The following CELSR2 variants were observed in gnomAD, a reference collection of about 807,000 sequenced individuals.
The protein encoded by CELSR2 is cadherin EGF LAG seven-pass G-type receptor 2, also known as EGF-like protein 2.
CELSR2 carries 81 observed loss-of-function variants against 251.6 expected under a neutral mutation model. The observed-to-expected ratio is 0.32, with a 90% confidence interval of 0.27 to 0.39. The LOEUF is 0.39. Among genes scored for constraint, CELSR2 ranks in the 10% least tolerant of loss-of-function variants. The pLI is 1.00. For missense variants in CELSR2, 3,365 were observed against 3,947.7 expected, an observed-to-expected ratio of 0.85 and a Z score of 3.96; for synonymous variants, 1,721 against 1,670.5, an observed-to-expected ratio of 1.03 and a Z score of -0.74.
chr1:109,261,165 A>C lies in CELSR2; in HGVS notation c.4082A>C (p.Glu1361Ala), dbSNP rs1306110297. The C allele has an allele frequency of 6.2e-7, 1 of 1,614,030 alleles. No homozygotes were observed. Among genetic ancestry groups the C allele is most frequent in the Non-Finnish European group, 8.5e-7 (1 of 1,180,028 alleles). ...FKCDCPSGDF[E>A]KPYCQVTTRS... The stretch of plus-strand genomic sequence containing the variant: ...TGCGATTGCCCATCTGGAGACTTCG[A>C]GAAGCCCTACTGCCAGGTGACCACG... Residue 1361 changes from glutamate (E) to alanine (A), a missense_variant, in exon 3 of 34, where the codon GAG becomes GCG. Coordinates refer to ENST00000271332, the MANE Select transcript of CELSR2 (RefSeq NM_001408.3). This position sits in a 1 kb window ranked among gnomAD's most constrained non-coding sequence, Gnocchi z 4.8.
chr1:109,269,314 G>C lies in CELSR2; in HGVS notation c.6812+24G>C. The C allele has an allele frequency of 6.2e-7, 1 of 1,612,494 alleles. No homozygotes were observed. The highest frequency in any genetic ancestry group is 8.5e-7 in the Non-Finnish European group (1 of 1,179,782). On this transcript the variant is annotated intron_variant, in intron 20 of 33. Transcript: ENST00000271332. The surrounding 1 kb of genome is among the most constrained non-coding windows in gnomAD (Gnocchi z 6.4). ...AGGTCAGCAGCTAGGGGACAGGTGT[G>C]GGTAGGGGTATGGGTCGGGCGGTGA...
Position 109,253,388 on chromosome 1 carries a change from A to G in CELSR2, c.3309A>G (p.Ser1103=), listed in dbSNP as rs757112775. The G allele has an allele frequency of 6.2e-7, 1 of 1,611,136 alleles. No individual in the cohort carries two copies. Among genetic ancestry groups the G allele is most frequent in the Non-Finnish European group, 8.5e-7 (1 of 1,179,122 alleles). ...PLEAIMSVLV[S]DGVHSVTAQC... is the part of the protein sequence containing the mutation. Reference sequence around the variant, plus strand: ...AGGCCATCATGAGCGTGCTGGTGTCAGGTAAGGAAGGGCCCAGGTGGCGCT... The same window carrying G: ...AGGCCATCATGAGCGTGCTGGTGTCGGGTAAGGAAGGGCCCAGGTGGCGCT... The change falls in exon 1 of 34, where the codon TCA becomes TCG. Residue 1103 remains serine (S), a splice_region_variant and synonymous_variant. Transcript: ENST00000271332.
intron 15 of CELSR2, chr1:109,266,559 ATTTTTTTTTTTTTTTTT>A (rs35994599): frequency 1.2e-5 from 1 of 83,690 alleles, no homozygotes; most frequent in Admixed American, 1.6e-4. Context: ...CACCTGGCTA[ATTTTTTTTTTTTTTTTT>A]TTTTTTTTGT....
In CELSR2 at chr1:109,251,206, C is replaced by T. The variant is rs567653065; in HGVS notation, c.1127C>T (p.Pro376Leu). Reference sequence around the variant, plus strand: ...GAGGCAAGTGACCAGGGTCGGGACCCGGGTCCTCGGAGTACCACAGCCGCT... The same window carrying T: ...GAGGCAAGTGACCAGGGTCGGGACCTGGGTCCTCGGAGTACCACAGCCGCT... ...TVEASDQGRD[P>L]GPRSTTAAVF... Residue 376 changes from proline (P) to leucine (L), a missense_variant, in exon 1 of 34, where the codon CCG (proline) becomes CTG (leucine). Coordinates refer to ENST00000271332, the MANE Select transcript of CELSR2 (RefSeq NM_001408.3). The surrounding 1 kb of genome is among the most constrained non-coding windows in gnomAD (Gnocchi z 4.9). The T allele has an allele frequency of 1.3e-5, 21 of 1,613,872 alleles. No individual in the cohort carries two copies. The highest frequency in any genetic ancestry group is 5.0e-5 in the Admixed American group (3 of 60,020).
chr1:109,274,319 GA>G lies in CELSR2; in HGVS notation c.*277del, dbSNP rs1448376499. ...CAAGACAAAGTTTTTCAGAAAAGAGGAAAAAAAGAATTTAAAAAAGGATCTC... is the reference window on the plus strand; with the variant it reads ...CAAGACAAAGTTTTTCAGAAAAGAGGAAAAAAGAATTTAAAAAAGGATCTC... On this transcript the variant is annotated 3_prime_UTR_variant, in exon 34 of 34. Transcript: ENST00000271332. The G allele has an allele frequency of 4.5e-6, 3 of 663,832 alleles. No homozygotes were observed. The highest frequency in any genetic ancestry group is 4.7e-6 in the Non-Finnish European group (2 of 425,058). The allele number at this position is 663,832 out of a possible 1,614,324, so 41.1% of individuals were successfully genotyped here. A position where few individuals can be genotyped will look rare whatever the true frequency, so the allele number is the denominator to read the frequency against.
chr1:109,273,170 G>T lies in CELSR2; in HGVS notation c.8343G>T (p.Gly2781=), dbSNP rs1171607604. 1 of 1,608,688 alleles carries T rather than the reference G, an allele frequency of 6.2e-7. No homozygotes were observed. The change falls in exon 32 of 34, where the codon GGG becomes GGT. Residue 2781 remains glycine (G), a synonymous_variant. Transcript: ENST00000271332. Reference sequence around the variant, plus strand: ...TCTACTTCCTTTCCCCACCAGATGGGGGCCCAGGGCCTGGCAAGGCCCCCT... The same window carrying T: ...TCTACTTCCTTTCCCCACCAGATGGTGGCCCAGGGCCTGGCAAGGCCCCCT... The part of the protein sequence containing the change: ...RLPLHSTPKD[G]GPGPGKAPWP...
Position 109,268,080 on chromosome 1 carries a change from G to C in CELSR2, c.6318+20G>C. The C allele has an allele frequency of 6.3e-7, 1 of 1,577,154 alleles. No homozygotes were observed. Among genetic ancestry groups the C allele is most frequent in the Non-Finnish European group, 8.6e-7 (1 of 1,160,806 alleles). On this transcript the variant is annotated intron_variant, in intron 17 of 33. Transcript: ENST00000271332. Reference sequence around the variant, plus strand: ...ACTGAGGTGGGGCTTGGAGGATGCAGGGCTGGCTGGTTAGATAGGGGTCAT... The same window carrying C: ...ACTGAGGTGGGGCTTGGAGGATGCACGGCTGGCTGGTTAGATAGGGGTCAT...
At position 109,270,477 on chromosome 1, in the gene CELSR2, T is replaced by G. The variant is rs574709737; in HGVS notation, c.7360T>G (p.Phe2454Val). The G allele has an allele frequency of 2.9e-5, 47 of 1,614,128 alleles. No homozygotes were observed. The South Asian group carries it at 4.8e-4, about 17-fold the overall frequency. ...ILLHFLYLCT[F>V]SWALLEALHL... ...GCTGCACTTCCTGTACCTCTGCACC[T>G]TTTCCTGGGCTCTGCTGGAGGCCTT... The change falls in exon 24 of 34, where the codon TTT becomes GTT. Residue 2454 changes from phenylalanine to valine, a missense_variant. Phe to Val is a conservative substitution (Grantham distance 50). Around this residue, in one of 5 missense-constraint regions of CELSR2, gnomAD observed 2,093 missense variants for 2,382.8 expected, o/e 0.88. Coordinates refer to ENST00000271332, the MANE Select transcript of CELSR2 (RefSeq NM_001408.3).
Position 109,259,022 on chromosome 1 carries a change from G to A in CELSR2, c.3901G>A (p.Gly1301Arg). 1 of 1,600,652 alleles carries A rather than the reference G, an allele frequency of 6.2e-7. No individual in the cohort carries two copies. Among genetic ancestry groups the A allele is most frequent in the South Asian group, 1.1e-5 (1 of 90,634 alleles). ...LCYSRPCGPHGRCRSREGGYT... is the reference protein window; with the variant it reads ...LCYSRPCGPHRRCRSREGGYT... Reference sequence around the variant, plus strand: ...CTACTCGCGGCCCTGTGGCCCCCACGGGCGCTGCCGCAGCCGCGAGGGCGG... The same window carrying A: ...CTACTCGCGGCCCTGTGGCCCCCACAGGCGCTGCCGCAGCCGCGAGGGCGG... Residue 1301 changes from glycine to arginine, a missense_variant, in exon 2 of 34, where the codon GGG becomes AGG. By Grantham distance (125) the Gly-to-Arg change is moderately radical. Coordinates refer to ENST00000271332, the MANE Select transcript of CELSR2 (RefSeq NM_001408.3).
intron 18 of CELSR2, 41 bp from the exon 19 acceptor site, chr1:109,268,839 C>T: frequency 6.3e-7 from 1 of 1,584,898 alleles, no homozygotes; most frequent in Non-Finnish European, 8.6e-7. Flanking sequence ...TGGGGTCCTG[C>T]CTGCCTCACA....
rs150642712 is a variant in CELSR2, at chr1:109,263,715, C to T, written c.4939C>T (p.Arg1647Cys). 6.2e-7 allele frequency: 1 copy of T among 1,613,800 alleles called. No individual in the cohort carries two copies. The highest frequency in any genetic ancestry group is 1.3e-5 in the African/African-American group (1 of 74,948). The change falls in exon 9 of 34, where the codon CGC becomes TGC. Residue 1647 changes from arginine to cysteine, a missense_variant. Physicochemically the swap from Arg to Cys is radical, Grantham distance 180. Coordinates refer to ENST00000271332, the MANE Select transcript of CELSR2 (RefSeq NM_001408.3). ...PWYLSLMFRT[R>C]QADGVLLQAI... Reference sequence around the variant, plus strand: ...GTACCTCAGCCTCATGTTCCGCACGCGCCAGGCCGACGGTGTCCTGCTGCA... The same window carrying T: ...GTACCTCAGCCTCATGTTCCGCACGTGCCAGGCCGACGGTGTCCTGCTGCA...
chr1:109,271,798 C>T (rs1656379922), intron 28 of CELSR2, 76 bp downstream of exon 28: 4 of 1,528,680 alleles, frequency 2.6e-6, no homozygotes, highest in Non-Finnish European at 2.7e-6. Context: ...GTACTTTTGG[C>T]CCCACTCCCC....
Position 109,253,045 on chromosome 1 carries a change from G to C in CELSR2, c.2966G>C (p.Arg989Pro). 1 of 1,613,676 alleles carries C rather than the reference G, an allele frequency of 6.2e-7. No individual in the cohort carries two copies. The highest frequency in any genetic ancestry group is 8.5e-7 in the Non-Finnish European group (1 of 1,180,028). The change falls in exon 1 of 34, where the codon CGG becomes CCG. Residue 989 changes from arginine (R) to proline (P), a missense_variant. By Grantham distance (103) the Arg-to-Pro change is moderately radical (BLOSUM62 -2). Around this residue, in one of 5 missense-constraint regions of CELSR2, gnomAD observed 505 missense variants for 660.0 expected, o/e 0.77. Transcript: ENST00000271332. ...TALVDLDYED[R>P]PEYVLVIQAT... ...CTGGTAGACTTAGACTACGAGGACC[G>C]GCCTGAGTACGTCCTGGTCATCCAG... is the stretch of plus-strand genomic sequence containing the variant.
chr1:109,259,198 A>G, intron 2 of CELSR2, 119 bp downstream of exon 2: 1 of 909,160 alleles, frequency 1.1e-6, no homozygotes, highest in Non-Finnish European at 1.6e-6. Flanking sequence ...GTGCAGCTAC[A>G]CTGAGAGGTC....
At position 109,274,332 on chromosome 1, in the gene CELSR2, T is replaced by G; in HGVS notation, c.*283T>G. 1.6e-6 allele frequency: 1 copy of G among 618,694 alleles called. No homozygotes were observed. The allele number at this position is 618,694 out of a possible 1,614,324, so 38.3% of individuals were successfully genotyped here. On this transcript the variant is annotated 3_prime_UTR_variant, in exon 34 of 34. Transcript: ENST00000271332. Reference sequence around the variant, plus strand: ...TTCAGAAAAGAGGAAAAAAAGAATTTAAAAAAGGATCTCCACTCTTCATGA... The same window carrying G: ...TTCAGAAAAGAGGAAAAAAAGAATTGAAAAAAGGATCTCCACTCTTCATGA...
chr1:109,254,003 C>G (rs1570777049), intron 1 of CELSR2, among the ~76,000 whole-genome samples: 1 of 152,240 alleles, frequency 6.6e-6, no homozygotes, highest in Non-Finnish European at 1.5e-5. Flanking sequence ...CCTGGCTCCC[C>G]CTTCAGAGCT....
Position 109,265,132 on chromosome 1 carries a change from A to G in CELSR2, c.5607-59A>G. The G allele has an allele frequency of 2.5e-6, 4 of 1,582,700 alleles. No homozygotes were observed. The East Asian group carries it at 6.7e-5, about 27-fold the overall frequency. ...GGGTCAGAAGGGCCACATAGGGCTCACCTAGGTTAGGTGGGAGTGGCAGGG... is the reference window on the plus strand; with the variant it reads ...GGGTCAGAAGGGCCACATAGGGCTCGCCTAGGTTAGGTGGGAGTGGCAGGG... On this transcript the variant is annotated intron_variant, in intron 12 of 33. Coordinates refer to ENST00000271332, the MANE Select transcript of CELSR2 (RefSeq NM_001408.3).
Position 109,269,355 on chromosome 1 carries a change from G to A in CELSR2, c.6812+65G>A. On this transcript the variant is annotated intron_variant, in intron 20 of 33. Transcript: ENST00000271332. The surrounding 1 kb of genome is among the most constrained non-coding windows in gnomAD (Gnocchi z 6.4). ...CGGGCGGTGAGTGCTGAGGCATGGAGGGGGTCGGGGGCGTCTCCCCAGTCA... is the reference window on the plus strand; with the variant it reads ...CGGGCGGTGAGTGCTGAGGCATGGAAGGGGTCGGGGGCGTCTCCCCAGTCA... The A allele has an allele frequency of 6.2e-7, 1 of 1,609,034 alleles. No individual in the cohort carries two copies. Among genetic ancestry groups the A allele is most frequent in the Non-Finnish European group, 8.5e-7 (1 of 1,177,302 alleles).
intron 24 of CELSR2, 115 bp downstream of exon 24, chr1:109,270,715 C>T: frequency 7.4e-7 from 1 of 1,346,158 alleles, no homozygotes; most frequent in Non-Finnish European, 1.0e-6. Flanking sequence ...CCCCAGGCCG[C>T]CTTATTCACA....
Sources: gnomAD v4.1 joint callset for allele counts (sites outside exome capture counted in the v4.1 genomes callset) on GRCh38, gnomAD v4.1.1 for gene constraint, gnomAD v4.1.1 regional missense constraint, Gnocchi (gnomAD v3.1) non-coding constraint, MANE v1.5 for transcripts, NCBI Gene and HGNC (gene_info 2026-07-23, HGNC 2026-07-21) for gene names.